TSKS: variants seen among roughly 807,000 people sequenced by gnomAD.
The protein encoded by TSKS is testis specific serine kinase substrate, also known as testis-specific serine kinase substrate.
A neutral mutation model predicts 68.0 loss-of-function variants in TSKS; 27 were observed. That is an observed-to-expected ratio of 0.40 (90% CI 0.29 to 0.55). The LOEUF is 0.55. Among genes scored for constraint, TSKS ranks in the 20% least tolerant of loss-of-function variants. The probability of loss-of-function intolerance (pLI) is 0.53; values close to 1 mark genes in which losing one functional copy is unlikely to be tolerated. For synonymous variants in TSKS, 331 were observed against 340.4 expected (o/e 0.97, Z 0.30); for missense variants, 806 against 776.0 (o/e 1.04, Z -0.46).
intron 2 of TSKS, among the ~76,000 whole-genome samples, chr19:49,759,799 C>A (rs542610303): frequency 1.3e-5 from 2 of 152,072 alleles, no homozygotes; most frequent in African/African-American, 4.8e-5. Context: ...CATGCCAGTG[C>A]ACTCCAGCCT....
chr19:49,757,534 A>G (rs2084401655), intron 2 of TSKS, among the ~76,000 whole-genome samples: 2 of 152,160 alleles, frequency 1.3e-5, no homozygotes, highest in Admixed American at 1.3e-4. Context: ...CCCAGTTACT[A>G]GCCGTATGAC....
rs565798281 is a variant in TSKS, at chr19:49,762,825, T to C, written c.170+253A>G. Reference sequence around the variant, plus strand: ...TTCATTCACTAGCCTCCCTTCTCCTTCTTCCCTCCCCACTGGCTTTTTCCT... The same window carrying C: ...TTCATTCACTAGCCTCCCTTCTCCTCCTTCCCTCCCCACTGGCTTTTTCCT... On this transcript the variant is annotated intron_variant, in intron 1 of 10. Coordinates refer to ENST00000246801, the MANE Select transcript of TSKS (RefSeq NM_021733.2). Among the ~76,000 whole-genome samples, 5 of 151,964 alleles carry C rather than the reference T, an allele frequency of 3.3e-5. No individual in the cohort carries two copies. In the East Asian group the frequency reaches 5.8e-4, roughly 18 times the overall value.
intron 2 of TSKS, among the ~76,000 whole-genome samples, chr19:49,753,235 G>C (rs974944220): frequency 6.6e-6 from 1 of 152,150 alleles, no homozygotes; most frequent in Non-Finnish European, 1.5e-5. Context: ...AGACCAGCCT[G>C]AGCAACATAG....
At position 49,763,226 on chromosome 19, in the gene TSKS, T is replaced by C; in HGVS notation, c.22A>G (p.Thr8Ala). 2.6e-6 allele frequency: 4 copies of C among 1,517,602 alleles called. No individual in the cohort carries two copies. The highest frequency in any genetic ancestry group is 3.5e-6 in the Non-Finnish European group (4 of 1,133,772). 94.0% of individuals were successfully genotyped at this position (1,517,602 alleles called of 1,614,324 possible). A position where few individuals can be genotyped will look rare whatever the true frequency, so the allele number is the denominator to read the frequency against. Residue 8 changes from threonine (T) to alanine (A), a missense_variant, in exon 1 of 11, where the codon ACG (threonine) becomes GCG (alanine). Transcript: ENST00000246801. This position sits in a 1 kb window ranked among gnomAD's most constrained non-coding sequence, Gnocchi z 4.5. ...TGGATCTCTTTGGACTGCCAGATCG[T>C]CTTCACCACCACGCTCGCCATGGTG... is the stretch of plus-strand genomic sequence containing the variant. MASVVVKTIWQSKEIHEA... is the reference protein window; with the variant it reads MASVVVKAIWQSKEIHEA...
At chr19:49,756,564 TAA>T (rs200912143) in intron 2 of TSKS, among the ~76,000 whole-genome samples, 4 of 138,592 alleles carry the variant, frequency 2.9e-5, no homozygotes, top group African/African-American at 2.6e-5. Context: ...CACTCATGAT[TAA>T]AAAAAAAAAA....
Position 49,744,321 on chromosome 19 carries a change from A to T in TSKS, c.1271T>A (p.Phe424Tyr), listed in dbSNP as rs953236566. The change falls in exon 8 of 11, where the codon TTC becomes TAC. Residue 424 changes from phenylalanine to tyrosine, a missense_variant. Physicochemically the swap from Phe to Tyr is conservative, Grantham distance 22. Transcript: ENST00000246801. ...TCGAGAGTTCTGAAATTGCCGCCCG[A>T]ACTCCTCCAGAATGGGTTTCAGTGG... The part of the protein sequence containing the change: ...LGPLKPILEE[F>Y]GRQFQNSRRG... 4.3e-6 allele frequency: 7 copies of T among 1,614,018 alleles called. No individual in the cohort carries two copies. The East Asian group carries it at 1.3e-4, about 31-fold the overall frequency.
Position 49,746,548 on chromosome 19 carries a change from A to T in TSKS, c.914T>A (p.Met305Lys). ...GGGGCCCTCGCCAGCCCGAGGCCCCATTCCCCAGCCTGCGGGGACCAGGCC... is the reference window on the plus strand; with the variant it reads ...GGGGCCCTCGCCAGCCCGAGGCCCCTTTCCCCAGCCTGCGGGGACCAGGCC... The part of the protein sequence containing the change: ...PHGLVPAGWG[M>K]GPRAGEGPYV... The change falls in exon 6 of 11, where the codon ATG becomes AAG. Residue 305 changes from methionine (M) to lysine (K), a missense_variant. Physicochemically the swap from Met to Lys is moderately conservative, Grantham distance 95. Transcript: ENST00000246801. The T allele has an allele frequency of 3.7e-6, 6 of 1,613,538 alleles. No homozygotes were observed. The highest frequency in any genetic ancestry group is 5.1e-6 in the Non-Finnish European group (6 of 1,179,870).
rs1013383784 is a variant in TSKS, at chr19:49,742,663, A to G, written c.1362-643T>C. Among the ~76,000 whole-genome samples the G allele has an allele frequency of 2.7e-5, 4 of 150,890 alleles. No individual in the cohort carries two copies. The South Asian group carries it at 6.3e-4, about 24-fold the overall frequency. On this transcript the variant is annotated intron_variant, in intron 8 of 10. Transcript: ENST00000246801. ...CAGGCACCCGCCAGCACGCCTAGCT[A>G]ATTTTTGTGTTTTTAGTAGATATGG... is the stretch of plus-strand genomic sequence containing the variant.
chr19:49,759,708 A>G (rs2084424766), intron 2 of TSKS, among the ~76,000 whole-genome samples: 1 of 151,372 alleles, frequency 6.6e-6, no homozygotes, highest in Non-Finnish European at 1.5e-5. Flanking sequence ...GGTGGTGTAC[A>G]CCTGCAGTCC....
At position 49,763,040 on chromosome 19, in the gene TSKS, G is replaced by A; in HGVS notation, c.170+38C>T. The A allele has an allele frequency of 6.3e-7, 1 of 1,592,464 alleles. No homozygotes were observed. The highest frequency in any genetic ancestry group is 8.5e-7 in the Non-Finnish European group (1 of 1,169,786). On this transcript the variant is annotated intron_variant, in intron 1 of 10. Transcript: ENST00000246801. The surrounding 1 kb of genome is among the most constrained non-coding windows in gnomAD (Gnocchi z 4.5). ...CCTGCTCTGTTGGAGGTAGTGCTGG[G>A]CATTAGAACCATCCCTGACAGTGTG...
At position 49,763,013 on chromosome 19, in the gene TSKS, C is replaced by G; in HGVS notation, c.170+65G>C. 6.5e-7 allele frequency: 1 copy of G among 1,539,550 alleles called. No individual in the cohort carries two copies. The highest frequency in any genetic ancestry group is 8.7e-7 in the Non-Finnish European group (1 of 1,143,222). On this transcript the variant is annotated intron_variant, in intron 1 of 10. Coordinates refer to ENST00000246801, the MANE Select transcript of TSKS (RefSeq NM_021733.2). This position sits in a 1 kb window ranked among gnomAD's most constrained non-coding sequence, Gnocchi z 4.5. ...CCTTCCTCTAGCACCCACAGTCGGA[C>G]TCCTGCTCTGTTGGAGGTAGTGCTG...
At chr19:49,747,332 G>A in intron 5 of TSKS, 57 bp downstream of exon 5, 1 of 1,613,412 alleles carries the variant, frequency 6.2e-7, no homozygotes, top group East Asian at 2.2e-5. Flanking sequence ...TGTATCTTGA[G>A]TCCCTCGTGC....
At chr19:49,743,599 G>T (rs1241873945) in intron 8 of TSKS, among the ~76,000 whole-genome samples, 1 of 146,122 alleles carries the variant, frequency 6.8e-6, no homozygotes, top group Non-Finnish European at 1.5e-5. Context: ...CCGGATTTAC[G>T]CCATTCTCCT....
Position 49,744,343 on chromosome 19 carries a change from G to A in TSKS, c.1249C>T (p.Leu417=). The A allele has an allele frequency of 6.2e-7, 1 of 1,614,102 alleles. No individual in the cohort carries two copies. Among genetic ancestry groups the A allele is most frequent in the Middle Eastern group, 1.6e-4 (1 of 6,062 alleles). ...LRSELEGLGP[L]KPILEEFGRQ... is the part of the protein sequence containing the mutation. ...CCGAACTCCTCCAGAATGGGTTTCA[G>A]TGGGCCCAGCCCCTCCAGTTCGCTC... The change falls in exon 8 of 11, where the codon CTG becomes TTG. Residue 417 remains leucine (L), a synonymous_variant. Coordinates refer to ENST00000246801, the MANE Select transcript of TSKS (RefSeq NM_021733.2).
chr19:49,760,956 C>T (rs2084435381), intron 2 of TSKS, among the ~76,000 whole-genome samples: 1 of 151,792 alleles, frequency 6.6e-6, no homozygotes, highest in Non-Finnish European at 1.5e-5. Flanking sequence ...GGTGTGGTGG[C>T]ACATGCCTGT....
At position 49,746,681 on chromosome 19, in the gene TSKS, T is replaced by G; in HGVS notation, c.781A>C (p.Lys261Gln). 1.5e-6 allele frequency: 2 copies of G among 1,296,324 alleles called. No individual in the cohort carries two copies. Among genetic ancestry groups the G allele is most frequent in the South Asian group, 2.7e-5 (2 of 74,190 alleles). 80.3% of individuals were successfully genotyped at this position (1,296,324 alleles called of 1,614,324 possible). ...EPEEKQEPEEKQKPEAGLSWN... is the reference protein window; with the variant it reads ...EPEEKQEPEEQQKPEAGLSWN... The stretch of plus-strand genomic sequence containing the variant: ...GAGAGGCCAGCCTCCGGCTTCTGCT[T>G]CTCCTCCGGCTCCTGCTTCTCCTCC... Residue 261 changes from lysine to glutamine, a missense_variant, in exon 6 of 11, where the codon AAG becomes CAG. Transcript: ENST00000246801.
intron 9 of TSKS, chr19:49,740,405 C>T (rs2084242604): frequency 1.8e-6 from 1 of 565,070 alleles, no homozygotes; most frequent in South Asian, 2.3e-5. Context: ...ATTGTCTGTC[C>T]CATGATGCAC....
At position 49,759,761 on chromosome 19, in the gene TSKS, A is replaced by G. The variant is rs111426944; in HGVS notation, c.399+2243T>C. Among the ~76,000 whole-genome samples the G allele has an allele frequency of 6.6e-3, 1,008 of 151,854 alleles. 10 individuals carry two copies. The highest frequency in any genetic ancestry group is 0.023 in the African/African-American group (944 of 41,372). Reference sequence around the variant, plus strand: ...AAGGTGGAAAGATCGCTTAAGCCCAAGGGTTTGAGGTTGCAGTGAGCTATT... The same window carrying G: ...AAGGTGGAAAGATCGCTTAAGCCCAGGGGTTTGAGGTTGCAGTGAGCTATT... On this transcript the variant is annotated intron_variant, in intron 2 of 10. Coordinates refer to ENST00000246801, the MANE Select transcript of TSKS (RefSeq NM_021733.2).
At position 49,748,484 on chromosome 19, in the gene TSKS, GAGAC is replaced by G; in HGVS notation, c.400-19_400-16del. The G allele has an allele frequency of 1.2e-6, 2 of 1,611,898 alleles. No homozygotes were observed. The highest frequency in any genetic ancestry group is 1.7e-6 in the Non-Finnish European group (2 of 1,178,418). ...TTGACCCCACTCTGGGGAAGAATGG[GAGAC>G]AGGTGAGTTAGTGGGTATGTGGGGG... On this transcript the variant is annotated splice_polypyrimidine_tract_variant and intron_variant, in intron 2 of 10. Transcript: ENST00000246801.
Sources: gnomAD v4.1 joint callset for allele counts (sites outside exome capture counted in the v4.1 genomes callset) on GRCh38, gnomAD v4.1.1 for gene constraint, Gnocchi (gnomAD v3.1) non-coding constraint, MANE v1.5 for transcripts, NCBI Gene and HGNC (gene_info 2026-07-23, HGNC 2026-07-21) for gene names.